The following OOSP4B variants were observed in gnomAD, a reference collection of about 807,000 sequenced individuals.
OOSP4B encodes oocyte-secreted protein 4B.
At chr11:60,019,213 A>C (rs563902358) in intron 1 of OOSP4B, among the ~76,000 whole-genome samples, 54 of 150,706 alleles carry the variant, frequency 3.6e-4, no homozygotes, top group African/African-American at 1.2e-3. Flanking sequence ...ACAGAGCGAG[A>C]CTCTTTCTCA....
chr11:60,023,301 C>T (rs1854712919), intron 1 of OOSP4B, among the ~76,000 whole-genome samples: 1 of 152,192 alleles, frequency 6.6e-6, no homozygotes, highest in African/African-American at 2.4e-5. Flanking sequence ...ATACAAAACA[C>T]ACATCAGTTC....
At chr11:60,017,684 T>C (rs183256612) in intron 1 of OOSP4B, among the ~76,000 whole-genome samples, 1 of 152,290 alleles carries the variant, frequency 6.6e-6, no homozygotes, top group African/African-American at 2.4e-5. Context: ...ATTTGAAAGT[T>C]CTCCAGTTTT....
intron 1 of OOSP4B, among the ~76,000 whole-genome samples, chr11:60,020,499 C>T (rs1013631035): frequency 2.0e-5 from 3 of 152,210 alleles, no homozygotes; most frequent in Non-Finnish European, 4.4e-5. Context: ...CGGGGGCCAG[C>T]CGGCGGCTCC....
exon 3 of OOSP4B, chr11:60,024,985 A>G (rs1854732820): frequency 1.0e-5 from 4 of 398,226 alleles, no homozygotes; most frequent in African/African-American, 8.2e-5. Flanking sequence ...ATGAATTTCC[A>G]GTGGTTTGCT....
intron 1 of OOSP4B, among the ~76,000 whole-genome samples, chr11:60,019,761 C>G (rs182717231): frequency 2.5e-4 from 38 of 152,300 alleles, no homozygotes; most frequent in Non-Finnish European, 3.7e-4. Context: ...AAGAATAAAG[C>G]TTCCACAGTT....
intron 3 of OOSP4B, among the ~76,000 whole-genome samples, chr11:60,026,646 A>G: frequency 6.6e-6 from 1 of 152,204 alleles, no homozygotes; most frequent in East Asian, 1.9e-4. Flanking sequence ...ATGACTTGAA[A>G]TCAGCTTTTA....
intron 3 of OOSP4B, among the ~76,000 whole-genome samples, chr11:60,025,787 A>G (rs923176362): frequency 3.3e-5 from 5 of 152,080 alleles, no homozygotes; most frequent in Non-Finnish European, 7.4e-5. Flanking sequence ...TTGATCATAG[A>G]GTATGTTTAG....
At chr11:60,018,811 T>C (rs1462027881) in intron 1 of OOSP4B, among the ~76,000 whole-genome samples, 1 of 152,172 alleles carries the variant, frequency 6.6e-6, no homozygotes, top group East Asian at 1.9e-4. Flanking sequence ...CTATTACCAT[T>C]CCCTGAGACC....
intron 4 of OOSP4B, among the ~76,000 whole-genome samples, chr11:60,030,452 A>G (rs182518168): frequency 7.2e-5 from 11 of 152,316 alleles, no homozygotes; most frequent in Admixed American, 5.2e-4. Context: ...AAACTTGTGC[A>G]TATTGACAAT....
At chr11:60,017,265 C>A (rs926515856) in exon 1 of OOSP4B, 2 of 397,448 alleles carry the variant, frequency 5.0e-6, no homozygotes, top group Admixed American at 8.8e-5. Flanking sequence ...TAAGGGGTTT[C>A]CCTGGGCTGC....
chr11:60,020,356 G>T (rs940855362), intron 1 of OOSP4B, among the ~76,000 whole-genome samples: 2 of 152,186 alleles, frequency 1.3e-5, no homozygotes, highest in Admixed American at 1.3e-4. Flanking sequence ...GCCCACGGTG[G>T]GGGAGGAGGC....
At chr11:60,017,785 G>A (rs1278894063) in intron 1 of OOSP4B, among the ~76,000 whole-genome samples, 1 of 152,202 alleles carries the variant, frequency 6.6e-6, no homozygotes, top group Non-Finnish European at 1.5e-5. Context: ...ACCAGGGAAA[G>A]GAAGGACTAC....
chr11:60,017,561 T>C (rs530941524), intron 1 of OOSP4B, 148 bp downstream of exon 1: 272 of 393,828 alleles, frequency 6.9e-4, no homozygotes, highest in African/African-American at 4.7e-3. Context: ...TTTTTTTTTT[T>C]CCCCCTGATT....
intron 2 of OOSP4B, 89 bp from the exon 3 acceptor site, chr11:60,024,819 C>T (rs1009463009): frequency 2.0e-5 from 8 of 395,736 alleles, no homozygotes; most frequent in South Asian, 2.7e-4. Flanking sequence ...ATGCCATTTC[C>T]GGATTTTCCT....
chr11:60,027,364 C>A (rs994975189), intron 3 of OOSP4B, among the ~76,000 whole-genome samples: 2 of 152,062 alleles, frequency 1.3e-5, no homozygotes, highest in Non-Finnish European at 2.9e-5. Context: ...CTTCCCTGAC[C>A]ATGAGGAATT....
intron 1 of OOSP4B, 73 bp from the exon 2 acceptor site, chr11:60,023,807 G>T: frequency 2.5e-6 from 1 of 397,758 alleles, no homozygotes; most frequent in Non-Finnish European, 4.4e-6. Context: ...ATATTTGTCT[G>T]TCAGCACTGA....
At chr11:60,017,535 G>T (rs563463492) in intron 1 of OOSP4B, 122 bp downstream of exon 1, 32 of 396,590 alleles carry the variant, frequency 8.1e-5, no homozygotes, top group African/African-American at 5.8e-4. Flanking sequence ...AAACACTGCT[G>T]TGTAAAAAGC....
intron 1 of OOSP4B, among the ~76,000 whole-genome samples, chr11:60,020,488 G>T (rs1459952793): frequency 1.3e-5 from 2 of 152,222 alleles, no homozygotes; most frequent in Non-Finnish European, 2.9e-5. Context: ...CCGGGTGGGG[G>T]CGGGGGCCAG....
At chr11:60,022,269 G>A (rs889884035) in intron 1 of OOSP4B, 3 of 152,126 alleles carry the variant, frequency 2.0e-5, no homozygotes, top group African/African-American at 7.2e-5. Context: ...TTCCCGTTTC[G>A]ACATGGACCA....
Sources: allele counts gnomAD v4.1 joint callset (sites outside exome capture counted in the v4.1 genomes callset), GRCh38; gene constraint gnomAD v4.1.1; transcripts MANE v1.5; gene names NCBI Gene and HGNC (gene_info 2026-07-23, HGNC 2026-07-21).